The following PHLDB2 variants were observed in gnomAD, a reference collection of about 807,000 sequenced individuals.
The protein encoded by PHLDB2 is pleckstrin homology-like domain family B member 2.
Under a neutral mutation model 123.6 loss-of-function variants are expected in PHLDB2, and 71 were observed. That is an observed-to-expected ratio of 0.57 (90% CI 0.47 to 0.70). The LOEUF (loss-of-function observed/expected upper bound fraction) is 0.70. PHLDB2 is among the 30% of genes least tolerant of loss of function. The pLI, the probability that PHLDB2 is intolerant of heterozygous loss-of-function variation, is 0.00. For synonymous variants in PHLDB2, 547 were observed against 541.6 expected (o/e 1.01, Z -0.14); for missense variants, 1,446 against 1,519.5 (o/e 0.95, Z 0.80).
At chr3:111,896,087 G>C (rs902427883) in intron 2 of PHLDB2, among the ~76,000 whole-genome samples, 5 of 152,032 alleles carry the variant, frequency 3.3e-5, no homozygotes, top group African/African-American at 1.2e-4. Flanking sequence ...TGAGTAGCTG[G>C]GATTACAGGT....
At chr3:111,863,416 A>G (rs1559873821) in intron 1 of PHLDB2, among the ~76,000 whole-genome samples, 1 of 152,238 alleles carries the variant, frequency 6.6e-6, no homozygotes, top group Admixed American at 6.5e-5. Flanking sequence ...CACCTGGCAT[A>G]TATGGAAATG....
At chr3:111,945,585 G>T in intron 9 of PHLDB2, 2 of 514,006 alleles carry the variant, frequency 3.9e-6, no homozygotes, top group Non-Finnish European at 6.8e-6. Context: ...GTATGTGTGT[G>T]TTTGTGTGTG....
At chr3:111,945,408 T>C (rs2070230086) in intron 9 of PHLDB2, 51 bp downstream of exon 9, 1 of 1,339,094 alleles carries the variant, frequency 7.5e-7, no homozygotes, top group Non-Finnish European at 1.1e-6. Context: ...AATCAGGAGA[T>C]GTATTTCAGC....
chr3:111,820,826 G>A (rs560236291), intron 1 of PHLDB2, among the ~76,000 whole-genome samples: 132 of 152,328 alleles, frequency 8.7e-4, no homozygotes, highest in African/African-American at 2.9e-3. Flanking sequence ...CACATATCCC[G>A]TTGCCCAAGT....
intron 1 of PHLDB2, among the ~76,000 whole-genome samples, chr3:111,734,435 T>G (rs1040481458): frequency 4.6e-5 from 7 of 152,210 alleles, no homozygotes; most frequent in Admixed American, 3.9e-4. Context: ...TTTTAAAAAT[T>G]TATGCATTGG....
In PHLDB2 at chr3:111,774,961, G is replaced by A. The variant is rs76586234; in HGVS notation, c.-49+42258G>A. Among the ~76,000 whole-genome samples, 597 of 152,264 alleles carry A rather than the reference G, an allele frequency of 3.9e-3. 1 individual carries two copies. The highest frequency in any genetic ancestry group is 0.014 in the African/African-American group (574 of 41,552). On this transcript the variant is annotated intron_variant, in intron 1 of 17. Coordinates refer to the PHLDB2 transcript ENST00000393923. Reference sequence around the variant, plus strand: ...TCTCATCAGAAGGATGTGCCATAAGGAGTGAGTTGGAGAAACAAGGGAACC... The same window carrying A: ...TCTCATCAGAAGGATGTGCCATAAGAAGTGAGTTGGAGAAACAAGGGAACC...
At chr3:111,900,133 G>T (rs2067106566) in intron 2 of PHLDB2, among the ~76,000 whole-genome samples, 1 of 152,200 alleles carries the variant, frequency 6.6e-6, no homozygotes, top group Non-Finnish European at 1.5e-5. Context: ...TTAGGGCCTT[G>T]CTCTGGATTA....
At position 111,827,155 on chromosome 3, in the gene PHLDB2, A is replaced by G. The variant is rs73226333; in HGVS notation, c.-48-18666A>G. ...GTCTCTTTAGGCTTGTCCTGTTCAA[A>G]TTGATCCTCCAACCTATCAAACTGA... is the stretch of plus-strand genomic sequence containing the variant. On this transcript the variant is annotated intron_variant, in intron 1 of 17. Transcript: ENST00000393923. Among the ~76,000 whole-genome samples, 312 of 152,354 alleles carry G rather than the reference A, an allele frequency of 2.0e-3. 2 individuals are homozygous for G. The highest frequency in any genetic ancestry group is 3.8e-3 in the Non-Finnish European group (259 of 68,030).
chr3:111,968,377 C>G (rs527660140), intron 15 of PHLDB2, among the ~76,000 whole-genome samples: 6 of 152,286 alleles, frequency 3.9e-5, no homozygotes, highest in African/African-American at 1.4e-4. Context: ...TCCTCAACAC[C>G]TGTGCACAAG....
intron 1 of PHLDB2, among the ~76,000 whole-genome samples, chr3:111,881,782 T>C (rs1338756673): frequency 4.6e-5 from 7 of 152,066 alleles, no homozygotes; most frequent in African/African-American, 1.7e-4. Flanking sequence ...TCTTTTTTTT[T>C]TTTTTCAGTA....
chr3:111,832,270 T>A (rs894281260), intron 1 of PHLDB2, among the ~76,000 whole-genome samples: 19 of 152,164 alleles, frequency 1.2e-4, no homozygotes, highest in African/African-American at 4.3e-4. Flanking sequence ...TCTAATCAGT[T>A]TCTTTCCCCT....
At chr3:111,968,540 T>C (rs1002954531) in intron 15 of PHLDB2, among the ~76,000 whole-genome samples, 1 of 152,242 alleles carries the variant, frequency 6.6e-6, no homozygotes, top group African/African-American at 2.4e-5. Context: ...TTAAGTACTA[T>C]GTAATTTAAA....
chr3:111,772,672 G>C (rs955260049), intron 1 of PHLDB2, among the ~76,000 whole-genome samples: 1 of 152,166 alleles, frequency 6.6e-6, no homozygotes, highest in South Asian at 2.1e-4. Context: ...CATTTTTCTT[G>C]GTTCAAATTC....
At chr3:111,940,296 T>C (rs1020030021) in intron 7 of PHLDB2, among the ~76,000 whole-genome samples, 1 of 152,246 alleles carries the variant, frequency 6.6e-6, no homozygotes, top group African/African-American at 2.4e-5. Flanking sequence ...ACTTCTGGGT[T>C]CTTCAAGATA....
At chr3:111,891,585 GT>G (rs2066500344) in intron 2 of PHLDB2, among the ~76,000 whole-genome samples, 1 of 151,980 alleles carries the variant, frequency 6.6e-6, no homozygotes, top group South Asian at 2.1e-4. Flanking sequence ...TTACAGTGTA[GT>G]AATAATAGAA....
chr3:111,746,264 CAG>C (rs2059681028), intron 1 of PHLDB2, among the ~76,000 whole-genome samples: 1 of 152,154 alleles, frequency 6.6e-6, no homozygotes, highest in African/African-American at 2.4e-5. Flanking sequence ...TGAGAGAACA[CAG>C]AAAGTCTTTT....
intron 1 of PHLDB2, among the ~76,000 whole-genome samples, chr3:111,764,593 A>G (rs915659989): frequency 6.6e-6 from 1 of 152,078 alleles, no homozygotes; most frequent in African/African-American, 2.4e-5. Flanking sequence ...AAAAAAAAAT[A>G]CCCCACTGAT....
chr3:111,793,191 C>A (rs930164153), intron 1 of PHLDB2, among the ~76,000 whole-genome samples: 1 of 152,218 alleles, frequency 6.6e-6, no homozygotes, highest in African/African-American at 2.4e-5. Flanking sequence ...GGATCAGGAA[C>A]TTTAGGAATC....
chr3:111,968,503 T>G (rs2071953519), intron 15 of PHLDB2, among the ~76,000 whole-genome samples: 1 of 152,234 alleles, frequency 6.6e-6, no homozygotes, highest in Non-Finnish European at 1.5e-5. Context: ...CATAATATGT[T>G]TTCTGAGCAA....
Sources: allele counts gnomAD v4.1 joint callset (sites outside exome capture counted in the v4.1 genomes callset), GRCh38; gene constraint gnomAD v4.1.1; transcripts MANE v1.5; gene names NCBI Gene and HGNC (gene_info 2026-07-23, HGNC 2026-07-21).